Variants in COL9A3 observed in about 807,000 individuals in gnomAD.
The protein encoded by COL9A3 is collagen type IX alpha 3 chain.
Under a neutral mutation model 110.2 loss-of-function variants are expected in COL9A3, and 82 were observed. That is an observed-to-expected ratio of 0.74 (90% confidence interval 0.62 to 0.89). The LOEUF (loss-of-function observed/expected upper bound fraction) is 0.89. Among genes scored for constraint, COL9A3 ranks in the 40% least tolerant of loss-of-function variants. The pLI is 0.00. For synonymous variants in COL9A3, 494 were observed against 403.8 expected (o/e 1.22, Z -2.68); for missense variants, 1,066 against 981.3 (o/e 1.09, Z -1.15).
chr20:62,838,808 G>A lies in COL9A3; in HGVS notation c.1864+47G>A, dbSNP rs375184587. On this transcript the variant is annotated intron_variant, in intron 31 of 31. Coordinates refer to ENST00000649368, the MANE Select transcript of COL9A3 (RefSeq NM_001853.4). ...GGCTTCACTGGGTGACATCTCTTCC[G>A]CCATCTTGTAGCTTTATGTGGGGCG... 2.5e-5 allele frequency: 36 copies of A among 1,457,920 alleles called. 1 individual carries two copies. The highest frequency in any genetic ancestry group is 2.2e-4 in the African/African-American group (16 of 71,186). The allele number at this position is 1,457,920 out of a possible 1,614,324, so 90.3% of individuals were successfully genotyped here.
chr20:62,826,715 T>G, intron 14 of COL9A3, 52 bp from the exon 15 acceptor site: 1 of 1,601,398 alleles, frequency 6.2e-7, no homozygotes, highest in African/African-American at 1.3e-5. Flanking sequence ...ACTGGGGGGA[T>G]GCCAGCCAGG....
Position 62,830,540 on chromosome 20 carries a change from C to A in COL9A3, c.1239C>A (p.Asp413Glu), listed in dbSNP as rs750178713. 1.2e-6 allele frequency: 2 copies of A among 1,608,376 alleles called. No individual in the cohort carries two copies. The highest frequency in any genetic ancestry group is 8.5e-7 in the Non-Finnish European group (1 of 1,178,386). ...AGGGCCAGAAGGGCAGCATGGGAGA[C>A]CCCGGCCTTCCAGGCCCCCAGGGCC... ...GFQGQKGSMG[D>E]PGLPGPQGLR... Residue 413 changes from aspartate (D) to glutamate (E), a missense_variant, in exon 24 of 32, where the codon GAC becomes GAA. Asp to Glu is a conservative substitution (Grantham distance 45, BLOSUM62 2). Coordinates refer to ENST00000649368, the MANE Select transcript of COL9A3 (RefSeq NM_001853.4).
intron 13 of COL9A3, 33 bp from the exon 14 acceptor site, chr20:62,826,171 C>T: frequency 6.5e-7 from 1 of 1,548,530 alleles, no homozygotes; most frequent in East Asian, 2.4e-5. Context: ...GAGGTGCAGC[C>T]CCAGCCTCTG....
At position 62,827,985 on chromosome 20, in the gene COL9A3, A is replaced by G; in HGVS notation, c.900+9A>G. 6.2e-7 allele frequency: 1 copy of G among 1,612,810 alleles called. No homozygotes were observed. Among genetic ancestry groups the G allele is most frequent in the Non-Finnish European group, 8.5e-7 (1 of 1,179,928 alleles). On this transcript the variant is annotated intron_variant, in intron 17 of 31. Transcript: ENST00000649368. ...GGCCAAGCGGAGAGCCGGTGAGTGC[A>G]CGTGGCTGCTCATGGAATGCTCCTC... is the stretch of plus-strand genomic sequence containing the variant.
At chr20:62,830,652 ACCCCC>A in intron 24 of COL9A3, 64 bp downstream of exon 24, 2 of 423,276 alleles carry the variant, frequency 4.7e-6, no homozygotes, top group Non-Finnish European at 6.7e-6. Context: ...ACAGTCCCCC[ACCCCC>A]ATGACAGTCC....
At chr20:62,832,089 C>T (rs2063601348) in intron 24 of COL9A3, 65 bp from the exon 25 acceptor site, 1 of 1,508,520 alleles carries the variant, frequency 6.6e-7, no homozygotes, top group African/African-American at 1.4e-5. Context: ...TTCCTGGGCC[C>T]AGGGCAGGCT....
chr20:62,829,076 C>T lies in COL9A3; in HGVS notation c.1008+100C>T. The stretch of plus-strand genomic sequence containing the variant: ...TGGGTTGGTCACTGTAGGGCCGACT[C>T]CCTGTGAGGGGTTCTGGGGCCTGTG... On this transcript the variant is annotated intron_variant, in intron 19 of 31. Coordinates refer to ENST00000649368, the MANE Select transcript of COL9A3 (RefSeq NM_001853.4). 1.8e-5 allele frequency: 23 copies of T among 1,300,978 alleles called. No homozygotes were observed. The South Asian group carries it at 2.9e-4, about 16-fold the overall frequency. The allele number at this position is 1,300,978 out of a possible 1,614,324, so 80.6% of individuals were successfully genotyped here.
At position 62,821,473 on chromosome 20, in the gene COL9A3, C is replaced by G. The variant is rs762822927; in HGVS notation, c.346-34C>G. ...GGGTGAGGCGCAGCCCTTCTTGTGC[C>G]TGGCAGGCTCTGACCCCATGTTTGG... On this transcript the variant is annotated intron_variant, in intron 6 of 31. Coordinates refer to ENST00000649368, the MANE Select transcript of COL9A3 (RefSeq NM_001853.4). 3 of 1,612,738 alleles carry G rather than the reference C, an allele frequency of 1.9e-6. No individual in the cohort carries two copies. The African/African-American group carries it at 4.0e-5, about 22-fold the overall frequency.
In COL9A3 at chr20:62,828,864, G is replaced by A. The variant is rs201744562; in HGVS notation, c.954+47G>A. ...TGACGGGAGGGAGGGGGCTGGAGGGGAGTTCGGCCTCCCGAGGCCTCAGCC... is the reference window on the plus strand; with the variant it reads ...TGACGGGAGGGAGGGGGCTGGAGGGAAGTTCGGCCTCCCGAGGCCTCAGCC... On this transcript the variant is annotated intron_variant, in intron 18 of 31. Transcript: ENST00000649368. The A allele has an allele frequency of 6.1e-5, 99 of 1,612,482 alleles. No homozygotes were observed. In the East Asian group the frequency reaches 2.1e-3, roughly 33 times the overall value.
chr20:62,835,783 G>A (rs1277244957), intron 26 of COL9A3, 138 bp from the exon 27 acceptor site: 31 of 875,236 alleles, frequency 3.5e-5, no homozygotes, highest in Middle Eastern at 2.2e-4. Context: ...ATAGAAGAAC[G>A]GAAGGAACCA....
chr20:62,830,628 T>G, intron 24 of COL9A3, 40 bp downstream of exon 24: 2 of 1,181,838 alleles, frequency 1.7e-6, no homozygotes, highest in East Asian at 4.0e-5. Context: ...CTGCACCCCC[T>G]CTACCCATGT....
chr20:62,831,983 T>C, intron 24 of COL9A3, 171 bp from the exon 25 acceptor site: 5 of 726,850 alleles, frequency 6.9e-6, no homozygotes, highest in Non-Finnish European at 1.2e-5. Context: ...CCAGAGGCTG[T>C]GAACGTGAGC....
intron 9 of COL9A3, among the ~76,000 whole-genome samples, chr20:62,822,378 GC>G (rs1310112791): frequency 6.6e-6 from 1 of 152,178 alleles, no homozygotes; most frequent in Non-Finnish European, 1.5e-5. Flanking sequence ...TGGCCATCCT[GC>G]CCCAAGGACA....
upstream of COL9A3, chr20:62,816,987 G>A (rs1004515607): frequency 3.4e-6 from 3 of 871,028 alleles, no homozygotes; most frequent in Admixed American, 9.7e-5. Flanking sequence ...AAGGGGAAGG[G>A]GAAGGGGCCG....
In COL9A3 at chr20:62,826,267, G is replaced by A. The variant is rs2063551423; in HGVS notation, c.738+10G>A. On this transcript the variant is annotated intron_variant, in intron 14 of 31. Coordinates refer to ENST00000649368, the MANE Select transcript of COL9A3 (RefSeq NM_001853.4). ...GCCCCCTGGGGACCGGGTAAGTCCT[G>A]CAGCCCCTAGTGGGGGCCGGCCAGG... The A allele has an allele frequency of 6.5e-7, 1 of 1,548,310 alleles. No individual in the cohort carries two copies. The highest frequency in any genetic ancestry group is 2.4e-5 in the East Asian group (1 of 41,112).
chr20:62,821,531 G>T lies in COL9A3; in HGVS notation c.369+1G>T, dbSNP rs766029215. 6.2e-7 allele frequency: 1 copy of T among 1,612,670 alleles called. No individual in the cohort carries two copies. The highest frequency in any genetic ancestry group is 1.3e-5 in the African/African-American group (1 of 74,914). The stretch of plus-strand genomic sequence containing the variant: ...GGGCAAAGGCCTCCCTGGACCCCCC[G>T]TGAGTACTGACAACCCTTGGGGCCC... On this transcript the variant is annotated splice_donor_variant, in intron 7 of 31. Transcript: ENST00000649368. LOFTEE classifies it high-confidence loss of function.
intron 30 of COL9A3, 68 bp from the exon 31 acceptor site, chr20:62,838,616 C>G: frequency 7.2e-7 from 1 of 1,381,746 alleles, no homozygotes. Flanking sequence ...AAAGGTTGAT[C>G]AGACACCGCT....
intron 29 of COL9A3, 102 bp downstream of exon 29, chr20:62,836,634 A>C: frequency 7.8e-7 from 1 of 1,279,790 alleles, no homozygotes; most frequent in South Asian, 1.4e-5. Flanking sequence ...CTTTCCAGCC[A>C]AAGTGAGCCC....
At chr20:62,822,843 C>T (rs1045651433) in intron 10 of COL9A3, among the ~76,000 whole-genome samples, 6 of 152,178 alleles carry the variant, frequency 3.9e-5, no homozygotes, top group Non-Finnish European at 8.8e-5. Flanking sequence ...TCCTCACCAC[C>T]GTCTAGACCT....
Sources: gnomAD v4.1 joint callset for allele counts (sites outside exome capture counted in the v4.1 genomes callset) on GRCh38, gnomAD v4.1.1 for gene constraint, MANE v1.5 for transcripts, NCBI Gene and HGNC (gene_info 2026-07-23, HGNC 2026-07-21) for gene names.